The following ME3 variants were observed in gnomAD, a reference collection of about 807,000 sequenced individuals.
ME3 encodes the protein NADP-dependent malic enzyme, mitochondrial.
A neutral mutation model predicts 68.9 loss-of-function variants in ME3; 48 were observed. That is an observed-to-expected ratio of 0.70 (90% CI 0.55 to 0.89). The LOEUF (loss-of-function observed/expected upper bound fraction) is 0.89, where lower values mean the gene tolerates loss of function less well. ME3 is among the 40% of genes least tolerant of loss of function. The pLI is 0.00. For missense variants in ME3, 675 were observed against 797.4 expected, an observed-to-expected ratio of 0.85 and a Z score of 1.85; for synonymous variants, 320 against 318.8, an observed-to-expected ratio of 1.00 and a Z score of -0.04.
At chr11:86,559,203 A>G (rs1193953825) in intron 3 of ME3, among the ~76,000 whole-genome samples, 1 of 152,056 alleles carries the variant, frequency 6.6e-6, no homozygotes, top group Non-Finnish European at 1.5e-5. Context: ...GCCTCCAACA[A>G]ATGACATCTA....
intron 4 of ME3, 91 bp from the exon 5 acceptor site, chr11:86,508,958 A>G: frequency 9.6e-7 from 1 of 1,045,592 alleles, no homozygotes. Flanking sequence ...TGCATTAATT[A>G]AATTTGCCCA....
chr11:86,496,106 T>G (rs1952311928), intron 6 of ME3, among the ~76,000 whole-genome samples: 3 of 152,144 alleles, frequency 2.0e-5, no homozygotes, highest in Admixed American at 1.3e-4. Context: ...TTGCTTTTAT[T>G]TGAAATGGGG....
intron 4 of ME3, among the ~76,000 whole-genome samples, chr11:86,534,795 G>A (rs181611049): frequency 6.6e-6 from 1 of 152,268 alleles, no homozygotes; most frequent in Non-Finnish European, 1.5e-5. Flanking sequence ...ATAGTTGAGT[G>A]GACTTCCACT....
intron 2 of ME3, among the ~76,000 whole-genome samples, chr11:86,579,010 C>A (rs1025453431): frequency 6.6e-6 from 1 of 152,062 alleles, no homozygotes; most frequent in Non-Finnish European, 1.5e-5. Context: ...ATTTTGAGTT[C>A]TATTTCACCT....
chr11:86,613,216 T>C (rs1565215252), intron 2 of ME3, among the ~76,000 whole-genome samples: 2 of 152,220 alleles, frequency 1.3e-5, no homozygotes, highest in Non-Finnish European at 2.9e-5. Context: ...CAGATGGTTG[T>C]AGATGTGTGG....
intron 4 of ME3, among the ~76,000 whole-genome samples, chr11:86,537,656 C>T (rs530771320): frequency 6.6e-6 from 1 of 152,328 alleles, no homozygotes; most frequent in South Asian, 2.1e-4. Context: ...CATCTGTTCC[C>T]ATGTCAGGCT....
At chr11:86,513,232 C>T (rs1231427066) in intron 4 of ME3, among the ~76,000 whole-genome samples, 2 of 152,218 alleles carry the variant, frequency 1.3e-5, no homozygotes, top group African/African-American at 4.8e-5. Flanking sequence ...GTTTGAGCTA[C>T]TAAAATTTCA....
chr11:86,669,355 C>T (rs754766914), intron 2 of ME3, among the ~76,000 whole-genome samples: 6 of 152,122 alleles, frequency 3.9e-5, no homozygotes, highest in Non-Finnish European at 7.3e-5. Flanking sequence ...TGGATAACAC[C>T]TGTATTAGTC....
chr11:86,492,488 C>T (rs372164418), intron 6 of ME3, among the ~76,000 whole-genome samples: 21 of 152,174 alleles, frequency 1.4e-4, no homozygotes, highest in East Asian at 7.7e-4. Context: ...AGGACTCTTC[C>T]CAGGGTGGGG....
intron 2 of ME3, among the ~76,000 whole-genome samples, chr11:86,652,785 A>G (rs1445870602): frequency 6.6e-6 from 1 of 152,234 alleles, no homozygotes; most frequent in Non-Finnish European, 1.5e-5. Context: ...CTCCAATTGA[A>G]AGACACAGAC....
At chr11:86,654,479 G>C (rs559962063) in intron 2 of ME3, among the ~76,000 whole-genome samples, 7 of 152,296 alleles carry the variant, frequency 4.6e-5, no homozygotes, top group Admixed American at 4.6e-4. Flanking sequence ...CATATAAACA[G>C]AACCAGTGAC....
intron 4 of ME3, among the ~76,000 whole-genome samples, chr11:86,521,423 C>CAA (rs201957441): frequency 9.3e-5 from 8 of 85,994 alleles, no homozygotes; most frequent in African/African-American, 4.0e-4. Flanking sequence ...CAAAACAAAA[C>CAA]AAAACAAAAA....
chr11:86,592,618 G>T (rs1959125594), intron 2 of ME3, among the ~76,000 whole-genome samples: 1 of 152,162 alleles, frequency 6.6e-6, no homozygotes, highest in Non-Finnish European at 1.5e-5. Flanking sequence ...ACAATTGCTG[G>T]ATGCAACTAG....
At chr11:86,552,974 A>G (rs1956767547) in intron 4 of ME3, among the ~76,000 whole-genome samples, 2 of 152,104 alleles carry the variant, frequency 1.3e-5, no homozygotes, top group African/African-American at 4.8e-5. Flanking sequence ...CTTCCTCCCC[A>G]TGCCCTTCCT....
chr11:86,560,955 T>C (rs1398894201), intron 2 of ME3, among the ~76,000 whole-genome samples: 1 of 151,602 alleles, frequency 6.6e-6, no homozygotes, highest in Non-Finnish European at 1.5e-5. Flanking sequence ...TTTCTCATGA[T>C]TGGATTTTGG....
chr11:86,519,653 A>G (rs1399048903), intron 4 of ME3, among the ~76,000 whole-genome samples: 3 of 152,148 alleles, frequency 2.0e-5, no homozygotes, highest in African/African-American at 7.2e-5. Flanking sequence ...CATTCCACAT[A>G]TTTTTTGGCA....
intron 2 of ME3, among the ~76,000 whole-genome samples, chr11:86,651,630 C>T (rs1404453675): frequency 6.6e-6 from 1 of 152,272 alleles, no homozygotes; most frequent in South Asian, 2.1e-4. Flanking sequence ...GTAGATAAAA[C>T]CACAAAGATG....
chr11:86,503,858 C>A (rs1952881294), intron 5 of ME3, among the ~76,000 whole-genome samples: 1 of 152,214 alleles, frequency 6.6e-6, no homozygotes, highest in South Asian at 2.1e-4. Flanking sequence ...CTTGGGAAAA[C>A]TGTTAGGGAG....
chr11:86,529,032 C>T (rs1198650889), intron 4 of ME3, among the ~76,000 whole-genome samples: 1 of 151,860 alleles, frequency 6.6e-6, no homozygotes, highest in Admixed American at 6.6e-5. Flanking sequence ...GAGAGAGAGA[C>T]ACAAAAAACC....
Sources: allele counts gnomAD v4.1 joint callset (sites outside exome capture counted in the v4.1 genomes callset), GRCh38; gene constraint gnomAD v4.1.1; transcripts MANE v1.5; gene names NCBI Gene and HGNC (gene_info 2026-07-23, HGNC 2026-07-21).